The following CNTN1 variants were observed in gnomAD, a reference collection of about 807,000 sequenced individuals.
CNTN1 encodes the protein contactin 1.
A neutral mutation model predicts 126.4 loss-of-function variants in CNTN1; 38 were observed. The observed-to-expected ratio is 0.30, with a 90% CI of 0.23 to 0.39. The LOEUF (loss-of-function observed/expected upper bound fraction) is 0.39. Among genes scored for constraint, CNTN1 ranks in the 10% least tolerant of loss-of-function variants. The pLI is 1.00. For synonymous variants in CNTN1, 413 were observed against 422.6 expected (o/e 0.98, Z 0.28); for missense variants, 1,009 against 1,248.4 (o/e 0.81, Z 2.89).
chr12:40,756,154 A>G (rs911914950), intron 1 of CNTN1, among the ~76,000 whole-genome samples: 2 of 152,054 alleles, frequency 1.3e-5, no homozygotes, highest in Non-Finnish European at 2.9e-5. Context: ...TGATTTTTGT[A>G]ATGTGTCATG....
intron 1 of CNTN1, among the ~76,000 whole-genome samples, chr12:40,829,528 T>G (rs186220809): frequency 1.1e-4 from 17 of 151,902 alleles, no homozygotes; most frequent in Admixed American, 1.1e-3. Context: ...AAATTTAGAG[T>G]AATGATGATA....
At chr12:40,864,688 G>T (rs367777130) in intron 1 of CNTN1, among the ~76,000 whole-genome samples, 1 of 151,980 alleles carries the variant, frequency 6.6e-6, no homozygotes, top group African/African-American at 2.4e-5. Context: ...TTTTATTACT[G>T]TATAATATTC....
chr12:40,979,768 C>G (rs1039016228), intron 15 of CNTN1, among the ~76,000 whole-genome samples: 7 of 151,848 alleles, frequency 4.6e-5, no homozygotes, highest in African/African-American at 1.7e-4. Context: ...TCTTCAAAGC[C>G]CAAAAAGTTG....
intron 15 of CNTN1, chr12:40,972,445 T>C: frequency 1.0e-6 from 1 of 983,398 alleles, no homozygotes; most frequent in Non-Finnish European, 1.2e-6. Flanking sequence ...AGGTTTGTGT[T>C]TAGGTATGAG....
chr12:41,027,972 A>G lies in CNTN1; in HGVS notation c.2823+3A>G. 6.5e-7 allele frequency: 1 copy of G among 1,536,268 alleles called. No homozygotes were observed. The highest frequency in any genetic ancestry group is 9.0e-7 in the Non-Finnish European group (1 of 1,109,366). ...AATCTACAGTGACGGGATATAAGGTATATACAAATAGTGATGATTAATGTT... is the reference window on the plus strand; with the variant it reads ...AATCTACAGTGACGGGATATAAGGTGTATACAAATAGTGATGATTAATGTT... On this transcript the variant is annotated splice_donor_region_variant and intron_variant, in intron 22 of 23. Transcript: ENST00000551295.
Position 40,707,227 on chromosome 12 carries a change from C to CTTTTTTTTT in CNTN1, c.-77+14666_-77+14674dup, listed in dbSNP as rs370984371. ...TTCCTCTTTCATTTCTTTTCTTTTTCTTTTTTTTTTTTTTTTTTTTTTTTT... is the reference window on the plus strand; with the variant it reads ...TTCCTCTTTCATTTCTTTTCTTTTTCTTTTTTTTTTTTTTTTTTTTTTTTTTTTTTTTTT... On this transcript the variant is annotated intron_variant, in intron 1 of 23. Transcript: ENST00000551295. 1.5e-3 allele frequency among the ~76,000 whole-genome samples: 160 copies of CTTTTTTTTT among 109,140 alleles called. 13 individuals carry two copies. Among genetic ancestry groups the CTTTTTTTTT allele is most frequent in the African/African-American group, 3.5e-3 (91 of 26,082 alleles). 71.6% of individuals were successfully genotyped at this position (109,140 alleles called of 152,430 possible).
intron 1 of CNTN1, among the ~76,000 whole-genome samples, chr12:40,832,876 A>G (rs1256300937): frequency 1.3e-5 from 2 of 152,192 alleles, no homozygotes; most frequent in East Asian, 3.9e-4. Flanking sequence ...CATACCAGAC[A>G]AGTGACAAAT....
chr12:40,945,049 G>A (rs1417452810), intron 14 of CNTN1, among the ~76,000 whole-genome samples: 2 of 152,012 alleles, frequency 1.3e-5, no homozygotes, highest in African/African-American at 4.8e-5. Context: ...ATTATATTAT[G>A]CTTTCATATT....
chr12:41,050,663 C>A (rs1038651405), intron 23 of CNTN1, among the ~76,000 whole-genome samples: 4 of 152,138 alleles, frequency 2.6e-5, no homozygotes, highest in Non-Finnish European at 4.4e-5. Context: ...GGTATGTTCT[C>A]TTTTTGCATA....
chr12:40,811,277 G>C (rs1941050701), intron 1 of CNTN1, among the ~76,000 whole-genome samples: 1 of 151,940 alleles, frequency 6.6e-6, no homozygotes. Context: ...CCCTTTGCTG[G>C]TATTTTATAC....
At chr12:40,824,882 GAA>G (rs1017130523) in intron 1 of CNTN1, among the ~76,000 whole-genome samples, 26 of 152,072 alleles carry the variant, frequency 1.7e-4, no homozygotes, top group African/African-American at 6.3e-4. Flanking sequence ...AATAAAATAA[GAA>G]TAATTAACAT....
At chr12:40,919,650 G>A (rs1945364637) in intron 4 of CNTN1, among the ~76,000 whole-genome samples, 1 of 152,094 alleles carries the variant, frequency 6.6e-6, no homozygotes, top group Admixed American at 6.6e-5. Context: ...TTACAAAAGA[G>A]AATATCCCTT....
At chr12:40,722,681 T>C (rs1942248436) in intron 1 of CNTN1, among the ~76,000 whole-genome samples, 1 of 152,262 alleles carries the variant, frequency 6.6e-6, no homozygotes, top group South Asian at 2.1e-4. Flanking sequence ...GATTTTGTGG[T>C]ACAGGAGAAA....
chr12:40,890,215 C>T (rs964810658), intron 1 of CNTN1, among the ~76,000 whole-genome samples: 2 of 152,108 alleles, frequency 1.3e-5, no homozygotes, highest in Non-Finnish European at 2.9e-5. Flanking sequence ...TTTAGGTTTA[C>T]AGCAAAGTTG....
chr12:40,939,624 A>AAC, intron 12 of CNTN1, 139 bp downstream of exon 12: 1 of 830,596 alleles, frequency 1.2e-6, no homozygotes, highest in South Asian at 1.6e-5. Context: ...TAGTTCTAAG[A>AAC]TGGACAGAAA....
chr12:40,790,551 T>A (rs1398818998), intron 1 of CNTN1, among the ~76,000 whole-genome samples: 1 of 152,124 alleles, frequency 6.6e-6, no homozygotes, highest in African/African-American at 2.4e-5. Context: ...TGCCTGTATG[T>A]ACCTCCTTGC....
rs1566104291 is a variant in CNTN1 at position 40,993,128 on chromosome 12, A to G, written c.1972A>G (p.Ile658Val). The G allele has an allele frequency of 6.2e-7, 1 of 1,613,008 alleles. No individual in the cohort carries two copies. Among genetic ancestry groups the G allele is most frequent in the Non-Finnish European group, 8.5e-7 (1 of 1,179,022 alleles). ...CTATTTATTTTATTCAGATCCCCCA[A>G]TTATTGAAGGAAATATGGAGGCAGC... ...DWKDAKTDPP[I>V]IEGNMEAARA... is the part of the protein sequence containing the mutation. Residue 658 changes from isoleucine (I) to valine (V), a missense_variant, in exon 17 of 24, where the codon ATT becomes GTT. Physicochemically the swap from Ile to Val is conservative, Grantham distance 29 (BLOSUM62 3). Coordinates refer to ENST00000551295, the MANE Select transcript of CNTN1 (RefSeq NM_001843.4).
intron 15 of CNTN1, among the ~76,000 whole-genome samples, chr12:40,970,706 C>G (rs1292606771): frequency 6.6e-6 from 1 of 152,124 alleles, no homozygotes; most frequent in East Asian, 1.9e-4. Flanking sequence ...TTAATATACA[C>G]ATACTGCTGT....
intron 1 of CNTN1, among the ~76,000 whole-genome samples, chr12:40,752,620 T>C (rs1489974148): frequency 6.6e-6 from 1 of 152,102 alleles, no homozygotes; most frequent in Non-Finnish European, 1.5e-5. Flanking sequence ...AATAAGACAA[T>C]TCTACGGTAT....
Sources: allele counts gnomAD v4.1 joint callset (sites outside exome capture counted in the v4.1 genomes callset), GRCh38; gene constraint gnomAD v4.1.1; transcripts MANE v1.5; gene names NCBI Gene and HGNC (gene_info 2026-07-23, HGNC 2026-07-21).